Variants in HEATR5A observed in about 807,000 individuals in gnomAD.
HEATR5A encodes the protein HEAT repeat containing 5A.
A neutral mutation model predicts 218.8 loss-of-function variants in HEATR5A; 178 were observed. The observed-to-expected ratio is 0.81, with a 90% CI of 0.72 to 0.92. The LOEUF is 0.92. Among genes scored for constraint, HEATR5A ranks in the 40% least tolerant of loss-of-function variants. The probability of loss-of-function intolerance (pLI) is 0.00; values close to 1 mark genes in which losing one functional copy is unlikely to be tolerated. For missense variants in HEATR5A, 2,420 were observed against 2,418.9 expected (o/e 1.00, Z -0.01); for synonymous variants, 864 against 871.6 (o/e 0.99, Z 0.15).
rs1041304445 is a variant in HEATR5A at position 31,313,250 on chromosome 14, A to G, written c.4219-60T>C. On this transcript the variant is annotated intron_variant, in intron 27 of 35. Transcript: ENST00000543095. ...TTATCTGCTGAAAAGGTGCTATAAA[A>G]TTTTTATATCTTCCTGAAGAGGCAG... 4.6e-6 allele frequency: 6 copies of G among 1,297,890 alleles called. No individual in the cohort carries two copies. In the African/African-American group the frequency reaches 5.9e-5, roughly 13 times the overall value. The allele number at this position is 1,297,890 out of a possible 1,614,324, so 80.4% of individuals were successfully genotyped here.
intron 23 of HEATR5A, 30 bp from the exon 24 acceptor site, chr14:31,323,834 T>A (rs780820336): frequency 1.4e-6 from 2 of 1,420,744 alleles, no homozygotes; most frequent in Non-Finnish European, 1.9e-6. Flanking sequence ...TATGTAATTA[T>A]AATCAACTGA....
chr14:31,336,756 T>C (rs1168305478), intron 22 of HEATR5A, among the ~76,000 whole-genome samples: 1 of 152,166 alleles, frequency 6.6e-6, no homozygotes, highest in Admixed American at 6.5e-5. Context: ...TCCCATTTCA[T>C]TTGACTGCGG....
chr14:31,343,055 C>T (rs572843633), intron 21 of HEATR5A, among the ~76,000 whole-genome samples: 167 of 151,088 alleles, frequency 1.1e-3, no homozygotes, highest in Non-Finnish European at 1.9e-3. Context: ...GTTTTTGAGG[C>T]AAGTCCAGAT....
intron 8 of HEATR5A, 21 bp downstream of exon 8, chr14:31,387,095 AAACT>A: frequency 3.1e-6 from 5 of 1,610,386 alleles, no homozygotes; most frequent in Middle Eastern, 1.7e-4. Flanking sequence ...ACTGTTAAAC[AAACT>A]GTCTTAGTAG....
intron 1 of HEATR5A, among the ~76,000 whole-genome samples, chr14:31,412,811 T>C (rs11628429): frequency 0.1 from 15,816 of 151,924 alleles, 1,201 homozygotes; most frequent in East Asian, 0.35. Context: ...GAGGTGAAAG[T>C]TGTGGTGAGC....
intron 18 of HEATR5A, 121 bp downstream of exon 18, chr14:31,349,668 T>G: frequency 1.5e-6 from 1 of 666,272 alleles, no homozygotes; most frequent in Non-Finnish European, 2.5e-6. Context: ...AGTCAACATT[T>G]GACAATTTTT....
intron 29 of HEATR5A, among the ~76,000 whole-genome samples, chr14:31,308,671 C>G (rs1273201348): frequency 6.6e-6 from 1 of 152,146 alleles, no homozygotes; most frequent in African/African-American, 2.4e-5. Context: ...CCAAGTATCA[C>G]TGTGCTTTGA....
chr14:31,318,305 T>C lies in HEATR5A; in HGVS notation c.3970-13A>G, dbSNP rs1899974912. Reference sequence around the variant, plus strand: ...GCGCTGCTCCTACCTGGCAAGAAATTACATGACATATCAAACATCAAGAAG... The same window carrying C: ...GCGCTGCTCCTACCTGGCAAGAAATCACATGACATATCAAACATCAAGAAG... On this transcript the variant is annotated splice_polypyrimidine_tract_variant and intron_variant, in intron 25 of 35. Coordinates refer to ENST00000543095, the MANE Select transcript of HEATR5A (RefSeq NM_015473.4). 1 of 1,606,994 alleles carries C rather than the reference T, an allele frequency of 6.2e-7. No individual in the cohort carries two copies. The highest frequency in any genetic ancestry group is 8.5e-7 in the Non-Finnish European group (1 of 1,173,702).
chr14:31,373,272 C>CA (rs1435227432), intron 12 of HEATR5A, among the ~76,000 whole-genome samples: 1 of 151,582 alleles, frequency 6.6e-6, no homozygotes, highest in Admixed American at 6.6e-5. Flanking sequence ...TAAACAAAAC[C>CA]AAAATCAATG....
intron 20 of HEATR5A, 98 bp downstream of exon 20, chr14:31,344,989 C>T: frequency 1.1e-6 from 1 of 951,956 alleles, no homozygotes; most frequent in Non-Finnish European, 1.6e-6. Flanking sequence ...ACAAAACATA[C>T]AGCACCTATC....
intron 27 of HEATR5A, among the ~76,000 whole-genome samples, chr14:31,314,837 T>A (rs753418910): frequency 3.9e-5 from 6 of 152,194 alleles, no homozygotes; most frequent in Non-Finnish European, 8.8e-5. Flanking sequence ...TGTTGGTTAA[T>A]CTCTTAGATG....
intron 21 of HEATR5A, chr14:31,340,403 C>A (rs1334746484): frequency 8.3e-7 from 1 of 1,200,626 alleles, no homozygotes; most frequent in East Asian, 5.7e-5. Context: ...AAAGAAACAG[C>A]ACCGCAAAAC....
chr14:31,366,379 T>C (rs943861738), intron 13 of HEATR5A, among the ~76,000 whole-genome samples: 1 of 152,210 alleles, frequency 6.6e-6, no homozygotes, highest in Admixed American at 6.5e-5. Context: ...TAGAAATAAA[T>C]AGCTAACACA....
chr14:31,381,102 G>A (rs1377719657), intron 10 of HEATR5A, among the ~76,000 whole-genome samples: 1 of 152,114 alleles, frequency 6.6e-6, no homozygotes, highest in African/African-American at 2.4e-5. Context: ...CAAAAAATTA[G>A]CCGGGCGTGG....
intron 6 of HEATR5A, among the ~76,000 whole-genome samples, chr14:31,393,519 A>G (rs1488904964): frequency 6.6e-6 from 1 of 152,198 alleles, no homozygotes; most frequent in African/African-American, 2.4e-5. Context: ...CACACAAAAA[A>G]GCTGTAATGT....
At chr14:31,310,023 TA>T (rs1899687521) in intron 28 of HEATR5A, among the ~76,000 whole-genome samples, 1 of 152,092 alleles carries the variant, frequency 6.6e-6, no homozygotes, top group African/African-American at 2.4e-5. Flanking sequence ...TTAAAAAACC[TA>T]AAACTGTTAA....
chr14:31,361,947 T>C, intron 14 of HEATR5A, among the ~76,000 whole-genome samples: 1 of 148,024 alleles, frequency 6.8e-6, no homozygotes, highest in Non-Finnish European at 1.5e-5. Context: ...CAGAAATTTA[T>C]TTATTTATTT....
chr14:31,414,044 A>G (rs2038333365), intron 1 of HEATR5A, among the ~76,000 whole-genome samples: 1 of 152,238 alleles, frequency 6.6e-6, no homozygotes, highest in African/African-American at 2.4e-5. Flanking sequence ...CGGCAAATCA[A>G]TAAGTACTAA....
chr14:31,343,822 T>G, intron 21 of HEATR5A, 74 bp downstream of exon 21: 1 of 1,239,178 alleles, frequency 8.1e-7, no homozygotes. Flanking sequence ...TAGAGTATAA[T>G]TAAAATGTGT....
Sources: gnomAD v4.1 joint callset for allele counts (sites outside exome capture counted in the v4.1 genomes callset) on GRCh38, gnomAD v4.1.1 for gene constraint, MANE v1.5 for transcripts, NCBI Gene and HGNC (gene_info 2026-07-23, HGNC 2026-07-21) for gene names.